Variants in HDLBP observed in about 807,000 individuals in gnomAD.
HDLBP encodes the protein high density lipoprotein binding protein.
Under a neutral mutation model 137.3 loss-of-function variants are expected in HDLBP, and 30 were observed. The observed-to-expected ratio is 0.22, with a 90% CI of 0.16 to 0.30. The LOEUF is 0.30. Ranked by LOEUF, HDLBP falls within the 10% of genes least tolerant of loss-of-function variation. The pLI is 1.00. For synonymous variants in HDLBP, 606 were observed against 596.0 expected (o/e 1.02, Z -0.24); for missense variants, 1,119 against 1,667.3 (o/e 0.67, Z 5.73).
At position 241,240,051 on chromosome 2, in the gene HDLBP, G is replaced by GC; in HGVS notation, c.2240dup (p.Gly748ArgfsTer20). ...TGTCGCGCACCTTGCGAATTTTGCC[G>GC]CCCCCCTTGCCGATGAGGAATTTGT... is the stretch of plus-strand genomic sequence containing the variant. On this transcript the variant is annotated frameshift_variant, in exon 18 of 28. Transcript: ENST00000310931. LOFTEE classifies it high-confidence loss of function. This position sits in a 1 kb window ranked among gnomAD's most constrained non-coding sequence, Gnocchi z 5.5. The GC allele has an allele frequency of 6.2e-7, 1 of 1,614,160 alleles. No homozygotes were observed. The highest frequency in any genetic ancestry group is 8.5e-7 in the Non-Finnish European group (1 of 1,180,018).
intron 4 of HDLBP, 36 bp from the exon 5 acceptor site, chr2:241,262,962 G>A: frequency 6.5e-7 from 1 of 1,543,022 alleles, no homozygotes; most frequent in South Asian, 1.1e-5. Flanking sequence ...AAGGTTAAGA[G>A]ATTAAAAGAA....
At chr2:241,300,950 C>CTATTATTAT (rs66491533) in intron 1 of HDLBP, among the ~76,000 whole-genome samples, 248 of 143,906 alleles carry the variant, frequency 1.7e-3, no homozygotes, top group Middle Eastern at 3.6e-3. Context: ...TGCACACATA[C>CTATTATTAT]TATTATTATT....
chr2:241,247,333 T>G (rs1540529), intron 14 of HDLBP, 191 bp from the exon 15 acceptor site: 22,367 of 598,006 alleles, frequency 0.037, 2,267 homozygotes, highest in Admixed American at 0.25. Context: ...CAAATTACAG[T>G]CAATCGATGC....
chr2:241,311,699 T>G (rs73116334), intron 1 of HDLBP, among the ~76,000 whole-genome samples: 5,568 of 152,212 alleles, frequency 0.037, 250 homozygotes, highest in African/African-American at 0.1. Context: ...CAAATAAGAC[T>G]TGTAATAACC....
chr2:241,279,105 C>T (rs1251887404), intron 1 of HDLBP, among the ~76,000 whole-genome samples: 1 of 152,102 alleles, frequency 6.6e-6, no homozygotes, highest in Admixed American at 6.5e-5. Flanking sequence ...AAACCTTTGT[C>T]AAAATACAGA....
rs369738368 is a variant in HDLBP, at chr2:241,230,153, G to A, written c.3591C>T (p.Tyr1197=). Reference sequence around the variant, plus strand: ...GGCTCCAAGGCCCACAGAGACTCACGTATTCCTCCTCCAGATTGAGGATGT... The same window carrying A: ...GGCTCCAAGGCCCACAGAGACTCACATATTCCTCCTCCAGATTGAGGATGT... ...IDHILNLEEE[Y]LADVVDSEAL... The change falls in exon 26 of 28, where the codon TAC becomes TAT. Residue 1197 remains tyrosine (Y), a splice_region_variant and synonymous_variant. Coordinates refer to ENST00000310931, the MANE Select transcript of HDLBP (RefSeq NM_005336.6). The surrounding 1 kb of genome is among the most constrained non-coding windows in gnomAD (Gnocchi z 5.0). The A allele has an allele frequency of 7.9e-5, 127 of 1,609,588 alleles. No individual in the cohort carries two copies. The highest frequency in any genetic ancestry group is 1.7e-4 in the Admixed American group (10 of 59,988).
intron 1 of HDLBP, among the ~76,000 whole-genome samples, chr2:241,308,689 T>C (rs537242374): frequency 1.3e-5 from 2 of 152,300 alleles, no homozygotes; most frequent in South Asian, 2.1e-4. Flanking sequence ...AGCAGTGAAG[T>C]AGCTGAAGGC....
intron 12 of HDLBP, among the ~76,000 whole-genome samples, chr2:241,248,578 G>A (rs1351409426): frequency 1.3e-5 from 2 of 152,162 alleles, no homozygotes; most frequent in East Asian, 1.9e-4. Context: ...TGGGCTGCAC[G>A]TCACTTCCCT....
At position 241,238,871 on chromosome 2, in the gene HDLBP, T is replaced by G; in HGVS notation, c.2611-84A>C. ...GTTTTACAGCACTCTTCACACCACCTTCCTCCCTGTCCTCTACAGCCACTT... is the reference window on the plus strand; with the variant it reads ...GTTTTACAGCACTCTTCACACCACCGTCCTCCCTGTCCTCTACAGCCACTT... On this transcript the variant is annotated intron_variant, in intron 19 of 27. Coordinates refer to ENST00000310931, the MANE Select transcript of HDLBP (RefSeq NM_005336.6). This position sits in a 1 kb window ranked among gnomAD's most constrained non-coding sequence, Gnocchi z 4.9. 1 of 1,142,032 alleles carries G rather than the reference T, an allele frequency of 8.8e-7. No individual in the cohort carries two copies. Among genetic ancestry groups the G allele is most frequent in the Non-Finnish European group, 1.2e-6 (1 of 823,992 alleles). 70.7% of individuals were successfully genotyped at this position (1,142,032 alleles called of 1,614,324 possible). A position where few individuals can be genotyped will look rare whatever the true frequency, so the allele number is the denominator to read the frequency against.
In HDLBP at chr2:241,272,692, C is replaced by A. The variant is rs1352258492; in HGVS notation, c.-102-4151G>T. The A allele has an allele frequency of 9.3e-6, 7 of 756,410 alleles. No homozygotes were observed. The highest frequency in any genetic ancestry group is 2.0e-5 in the African/African-American group (1 of 50,914). The allele number at this position is 756,410 out of a possible 1,614,324, so 46.9% of individuals were successfully genotyped here. The stretch of plus-strand genomic sequence containing the variant: ...ACGTCAGCAGCCACCCCCCACCCCC[C>A]CGCCCGGCAGCCCGCCCGCCCCGTC... On this transcript the variant is annotated intron_variant, in intron 1 of 27. Coordinates refer to ENST00000310931, the MANE Select transcript of HDLBP (RefSeq NM_005336.6). The surrounding 1 kb of genome is among the most constrained non-coding windows in gnomAD (Gnocchi z 5.6).
At position 241,237,069 on chromosome 2, in the gene HDLBP, A is replaced by C. The variant is rs138887973; in HGVS notation, c.2750-300T>G. Among the ~76,000 whole-genome samples, 736 of 151,992 alleles carry C rather than the reference A, an allele frequency of 4.8e-3. 5 individuals are homozygous for C. The highest frequency in any genetic ancestry group is 0.016 in the African/African-American group (679 of 41,408). On this transcript the variant is annotated intron_variant, in intron 20 of 27. Coordinates refer to ENST00000310931, the MANE Select transcript of HDLBP (RefSeq NM_005336.6). ...TCACCTTGAAGATGAAGCTAACAGCAACTAACTACAGCAGAGGCTTCAGTG... is the reference window on the plus strand; with the variant it reads ...TCACCTTGAAGATGAAGCTAACAGCCACTAACTACAGCAGAGGCTTCAGTG...
Position 241,253,409 on chromosome 2 carries a change from C to A in HDLBP, c.1277G>T (p.Gly426Val). ...DVNVAQEQIE[G>V]MVKDLINRMD... is the part of the protein sequence containing the mutation. ...GTACCTTACCAAATCTTTGACCATG[C>A]CTTCTATCTGTTCCTGGGCCACATT... is the stretch of plus-strand genomic sequence containing the variant. The change falls in exon 10 of 28, where the codon GGC (glycine) becomes GTC (valine). Residue 426 changes from glycine (G) to valine (V), a missense_variant. Around this residue, in one of 4 missense-constraint regions of HDLBP, gnomAD observed 425 missense variants for 693.9 expected, o/e 0.61. Transcript: ENST00000310931. 3 of 1,608,490 alleles carry A rather than the reference C, an allele frequency of 1.9e-6. No individual in the cohort carries two copies. Among genetic ancestry groups the A allele is most frequent in the Non-Finnish European group, 2.6e-6 (3 of 1,174,830 alleles).
At chr2:241,264,326 C>T (rs923447569) in intron 4 of HDLBP, 122 bp downstream of exon 4, 1 of 624,812 alleles carries the variant, frequency 1.6e-6, no homozygotes. Flanking sequence ...CGCACCACTG[C>T]ACTCCAGCCT....
chr2:241,287,170 G>A (rs987613265), intron 1 of HDLBP, among the ~76,000 whole-genome samples: 4 of 152,152 alleles, frequency 2.6e-5, no homozygotes, highest in African/African-American at 9.7e-5. Flanking sequence ...GAGTGCAGTG[G>A]CGTGATCTTG....
chr2:241,288,088 C>A (rs973469313), intron 1 of HDLBP, among the ~76,000 whole-genome samples: 1 of 152,206 alleles, frequency 6.6e-6, no homozygotes, highest in African/African-American at 2.4e-5. Context: ...AGGCTCTTTA[C>A]TTTTCAACAA....
chr2:241,230,139 C>T lies in HDLBP; in HGVS notation c.3591+14G>A. On this transcript the variant is annotated intron_variant, in intron 26 of 27. Coordinates refer to ENST00000310931, the MANE Select transcript of HDLBP (RefSeq NM_005336.6). The surrounding 1 kb of genome is among the most constrained non-coding windows in gnomAD (Gnocchi z 5.0). Reference sequence around the variant, plus strand: ...CCAGGGCGCCTCAGGGCTCCAAGGCCCACAGAGACTCACGTATTCCTCCTC... The same window carrying T: ...CCAGGGCGCCTCAGGGCTCCAAGGCTCACAGAGACTCACGTATTCCTCCTC... 2 of 1,604,904 alleles carry T rather than the reference C, an allele frequency of 1.2e-6. No individual in the cohort carries two copies. The highest frequency in any genetic ancestry group is 1.7e-6 in the Non-Finnish European group (2 of 1,171,796).
intron 4 of HDLBP, among the ~76,000 whole-genome samples, chr2:241,263,312 G>A (rs534468784): frequency 2.5e-4 from 38 of 152,260 alleles, no homozygotes; most frequent in Non-Finnish European, 3.1e-4. Flanking sequence ...AGGCAGGAAA[G>A]CGGAGGAGGT....
At chr2:241,308,662 C>G (rs1000180117) in intron 1 of HDLBP, among the ~76,000 whole-genome samples, 2 of 152,190 alleles carry the variant, frequency 1.3e-5, no homozygotes, top group African/African-American at 4.8e-5. Flanking sequence ...GGCTGACTGA[C>G]AAGGCCAGGT....
chr2:241,261,668 T>C (rs2073197405), intron 5 of HDLBP, among the ~76,000 whole-genome samples: 1 of 152,234 alleles, frequency 6.6e-6, no homozygotes, highest in South Asian at 2.1e-4. Context: ...CTGGCCACCA[T>C]GCTGGACAAT....
Sources: gnomAD v4.1 joint callset for allele counts (sites outside exome capture counted in the v4.1 genomes callset) on GRCh38, gnomAD v4.1.1 for gene constraint, gnomAD v4.1.1 regional missense constraint, Gnocchi (gnomAD v3.1) non-coding constraint, MANE v1.5 for transcripts, NCBI Gene and HGNC (gene_info 2026-07-23, HGNC 2026-07-21) for gene names.